The following DCAF5 variants were observed in gnomAD, a reference collection of about 807,000 sequenced individuals.
The protein encoded by DCAF5 is DDB1 and CUL4 associated factor 5.
In DCAF5, 9 loss-of-function variants were observed where a neutral mutation model predicts 80.7. The observed-to-expected ratio is 0.11, with a 90% confidence interval of 0.07 to 0.19. The LOEUF is 0.19. Ranked by LOEUF, DCAF5 falls within the 10% of genes least tolerant of loss-of-function variation. The pLI is 1.00. For synonymous variants in DCAF5, 433 were observed against 461.9 expected (o/e 0.94, Z 0.80); for missense variants, 842 against 1,205.7 (o/e 0.70, Z 4.47).
intron 8 of DCAF5, among the ~76,000 whole-genome samples, chr14:69,056,087 C>T (rs370911050): frequency 4.9e-4 from 75 of 152,298 alleles, no homozygotes; most frequent in African/African-American, 1.7e-3. Flanking sequence ...CAGCACTCAG[C>T]CCTCCATGGT....
At chr14:69,136,132 T>TTTG (rs2041188475) in intron 1 of DCAF5, among the ~76,000 whole-genome samples, 1 of 150,582 alleles carries the variant, frequency 6.6e-6, no homozygotes, top group Non-Finnish European at 1.5e-5. Context: ...TTTTTTTTTT[T>TTTG]GGATACAGGG....
At chr14:69,085,124 A>G in intron 6 of DCAF5, 1 of 792,834 alleles carries the variant, frequency 1.3e-6, no homozygotes, top group Non-Finnish European at 2.3e-6. Flanking sequence ...CTCAGGAAGC[A>G]TATAAATCAT....
chr14:69,109,259 G>C (rs1244822012), intron 5 of DCAF5, among the ~76,000 whole-genome samples: 1 of 151,692 alleles, frequency 6.6e-6, no homozygotes, highest in Non-Finnish European at 1.5e-5. Context: ...CAGGAGAATG[G>C]TGTGAACCCG....
intron 4 of DCAF5, among the ~76,000 whole-genome samples, chr14:69,117,212 C>T (rs769853801): frequency 2.6e-5 from 4 of 152,186 alleles, no homozygotes; most frequent in Non-Finnish European, 5.9e-5. Flanking sequence ...GCAGGTAAAG[C>T]ACTCAGTCAT....
intron 1 of DCAF5, 21 bp from the exon 2 acceptor site, chr14:69,122,381 C>T: frequency 1.2e-6 from 2 of 1,602,128 alleles, no homozygotes; most frequent in South Asian, 2.2e-5. Flanking sequence ...AAATAAGAAT[C>T]TGTGCTTAAA....
chr14:69,122,804 T>C (rs1438608309), intron 1 of DCAF5, among the ~76,000 whole-genome samples: 4 of 152,232 alleles, frequency 2.6e-5, no homozygotes, highest in Non-Finnish European at 5.9e-5. Context: ...AGCAATCTTC[T>C]TGATATGATC....
At chr14:69,108,978 G>A (rs940346287) in intron 5 of DCAF5, among the ~76,000 whole-genome samples, 6 of 152,124 alleles carry the variant, frequency 3.9e-5, no homozygotes, top group African/African-American at 1.2e-4. Context: ...CACTGGAATC[G>A]TAGGGAAGAA....
chr14:69,134,807 C>T, intron 1 of DCAF5, among the ~76,000 whole-genome samples: 1 of 152,180 alleles, frequency 6.6e-6, no homozygotes, highest in African/African-American at 2.4e-5. Context: ...AGCCACGATG[C>T]AGTCTCATAA....
chr14:69,071,135 T>C (rs1395619969), intron 7 of DCAF5, among the ~76,000 whole-genome samples: 1 of 152,146 alleles, frequency 6.6e-6, no homozygotes, highest in Non-Finnish European at 1.5e-5. Flanking sequence ...TAGAATGAGT[T>C]GTTTGAAATT....
chr14:69,119,471 T>C (rs2040641677), intron 2 of DCAF5, among the ~76,000 whole-genome samples: 1 of 151,836 alleles, frequency 6.6e-6, no homozygotes, highest in Non-Finnish European at 1.5e-5. Flanking sequence ...TCCCAATGTG[T>C]ATTATCCAGT....
chr14:69,108,143 G>A (rs1474938504), intron 5 of DCAF5, among the ~76,000 whole-genome samples: 3 of 152,222 alleles, frequency 2.0e-5, no homozygotes, highest in Non-Finnish European at 4.4e-5. Flanking sequence ...GTACTTTACA[G>A]AGATTCTGAA....
At chr14:69,101,126 C>T (rs1039109737) in intron 5 of DCAF5, among the ~76,000 whole-genome samples, 1 of 152,176 alleles carries the variant, frequency 6.6e-6, no homozygotes, top group Admixed American at 6.5e-5. Context: ...CCTGACCACA[C>T]AATCAAGCAG....
In DCAF5 at chr14:69,120,516, G is replaced by A. The variant is rs78567694; in HGVS notation, c.359-1286C>T. ...AGGATATAAATTATATTCATGATAT[G>A]TGTAGTCCTGCCTTCAAATGGTTTG... On this transcript the variant is annotated intron_variant, in intron 2 of 8. Transcript: ENST00000341516. 1.8e-3 allele frequency among the ~76,000 whole-genome samples: 267 copies of A among 152,248 alleles called. 1 individual carries two copies. The highest frequency in any genetic ancestry group is 6.3e-3 in the African/African-American group (261 of 41,538).
chr14:69,101,229 C>T (rs1044325021), intron 5 of DCAF5, among the ~76,000 whole-genome samples: 1 of 152,186 alleles, frequency 6.6e-6, no homozygotes, highest in African/African-American at 2.4e-5. Flanking sequence ...TTAAAAAGAA[C>T]AGCATCAGAC....
chr14:69,090,587 C>T (rs908629376), intron 6 of DCAF5: 1 of 153,580 alleles, frequency 6.5e-6, no homozygotes, highest in African/African-American at 2.4e-5. Context: ...ATTACATCTA[C>T]TAATCCTTAA....
At chr14:69,069,951 C>T (rs1267449204) in intron 7 of DCAF5, among the ~76,000 whole-genome samples, 1 of 152,126 alleles carries the variant, frequency 6.6e-6, no homozygotes, top group Non-Finnish European at 1.5e-5. Flanking sequence ...GAATAACAGT[C>T]GTTGAGTAGC....
chr14:69,132,083 A>T (rs966909968), intron 1 of DCAF5, among the ~76,000 whole-genome samples: 2 of 152,190 alleles, frequency 1.3e-5, no homozygotes. Flanking sequence ...CAGCTTTGTG[A>T]ATAATGCCAC....
At chr14:69,119,173 A>G (rs772428985) in intron 3 of DCAF5, 21 bp downstream of exon 3, 237 of 1,610,570 alleles carry the variant, frequency 1.5e-4, no homozygotes, top group Non-Finnish European at 2.0e-4. Context: ...AATCACCTTC[A>G]CACACCACCA....
At chr14:69,138,509 T>C (rs868809542) in intron 1 of DCAF5, among the ~76,000 whole-genome samples, 5 of 152,226 alleles carry the variant, frequency 3.3e-5, no homozygotes, top group Non-Finnish European at 5.9e-5. Context: ...GCAGATACAA[T>C]GTACTGGCAG....
Sources: gnomAD v4.1 joint callset for allele counts (sites outside exome capture counted in the v4.1 genomes callset) on GRCh38, gnomAD v4.1.1 for gene constraint, MANE v1.5 for transcripts, NCBI Gene and HGNC (gene_info 2026-07-23, HGNC 2026-07-21) for gene names.